The following SYTL2 variants were observed in gnomAD, a reference collection of about 807,000 sequenced individuals.
The protein encoded by SYTL2 is synaptotagmin like 2.
A neutral mutation model predicts 198.7 loss-of-function variants in SYTL2; 165 were observed. That is an observed-to-expected ratio of 0.83 (90% confidence interval 0.73 to 0.94). SYTL2 has a LOEUF of 0.94. SYTL2 is among the 40% of genes least tolerant of loss of function. The pLI is 0.00. For missense variants in SYTL2, 2,835 were observed against 2,582.8 expected (o/e 1.10, Z -2.12); for synonymous variants, 966 against 917.7 (o/e 1.05, Z -0.95).
intron 1 of SYTL2, among the ~76,000 whole-genome samples, chr11:85,786,454 T>C (rs1282530372): frequency 1.3e-5 from 2 of 152,234 alleles, no homozygotes; most frequent in Admixed American, 1.3e-4. Context: ...TGTGATATAC[T>C]ATAGTTGTAC....
At position 85,736,469 on chromosome 11, in the gene SYTL2, A is replaced by G. The variant is rs1490621508; in HGVS notation, c.586+32T>C. 5 of 1,185,950 alleles carry G rather than the reference A, an allele frequency of 4.2e-6. No individual in the cohort carries two copies. The Admixed American group carries it at 6.3e-5, about 15-fold the overall frequency. The allele number at this position is 1,185,950 out of a possible 1,614,324, so 73.5% of individuals were successfully genotyped here. A position where few individuals can be genotyped will look rare whatever the true frequency, so the allele number is the denominator to read the frequency against. On this transcript the variant is annotated intron_variant, in intron 6 of 19. Transcript: ENST00000359152. ...CCCTTAGTCCACAGATAACAAAGAT[A>G]AAAAAATCAAGTTCATAAAAATAAT...
At chr11:85,707,348 T>C (rs1591604155) in intron 15 of SYTL2, 81 bp downstream of exon 15, 1 of 916,642 alleles carries the variant, frequency 1.1e-6, no homozygotes, top group Non-Finnish European at 1.8e-6. Flanking sequence ...ACTGACTTTA[T>C]CCTGTAGAGC....
chr11:85,726,133 T>C lies in SYTL2; in HGVS notation c.3225A>G (p.Arg1075=). ...DEITFPLSPL[R]KYTYQLPGNE... ...TTCCTGGCAACTGATAAGTATACTTTCTAAGTGGACTCAAAGGAAATGTGA... is the reference window on the plus strand; with the variant it reads ...TTCCTGGCAACTGATAAGTATACTTCCTAAGTGGACTCAAAGGAAATGTGA... The change falls in exon 8 of 20, where the codon AGA becomes AGG. Residue 1075 remains arginine, a synonymous_variant. Transcript: ENST00000359152. 1 of 1,614,142 alleles carries C rather than the reference T, an allele frequency of 6.2e-7. No homozygotes were observed. The highest frequency in any genetic ancestry group is 1.1e-5 in the South Asian group (1 of 91,068).
At position 85,798,017 on chromosome 11, in the gene SYTL2, T is replaced by C. The variant is rs551995076; in HGVS notation, c.-390+12937A>G. 4.7e-5 allele frequency among the ~76,000 whole-genome samples: 5 copies of C among 106,332 alleles called. No individual in the cohort carries two copies. The South Asian group carries it at 1.6e-3, about 34-fold the overall frequency. The allele number at this position is 106,332 out of a possible 152,430, so 69.8% of individuals were successfully genotyped here. A position where few individuals can be genotyped will look rare whatever the true frequency, so the allele number is the denominator to read the frequency against. ...TACAGGTGCACACCACTATGCCAGC[T>C]ATTTTTTTTTTTTTCATTTTCAATA... On this transcript the variant is annotated intron_variant, in intron 1 of 19. Transcript: ENST00000359152.
chr11:85,729,130 C>A (rs976578980), intron 7 of SYTL2, among the ~76,000 whole-genome samples: 1 of 152,184 alleles, frequency 6.6e-6, no homozygotes. Flanking sequence ...GACTCCCACA[C>A]AGTAATAGTG....
At chr11:85,775,671 G>A (rs916942642) in intron 1 of SYTL2, among the ~76,000 whole-genome samples, 3 of 152,002 alleles carry the variant, frequency 2.0e-5, no homozygotes, top group African/African-American at 2.4e-5. Flanking sequence ...TTACTAAGAC[G>A]GGTTTCACCA....
upstream of SYTL2, among the ~76,000 whole-genome samples, chr11:85,812,796 C>A (rs111769441): frequency 5.1e-4 from 77 of 150,582 alleles, 2 homozygotes; most frequent in African/African-American, 1.8e-3. Context: ...GGAGGAGTGG[C>A]TGTACCTGCC....
At chr11:85,814,148 A>G (rs2093058791), upstream of SYTL2, among the ~76,000 whole-genome samples, 2 of 152,204 alleles carry the variant, frequency 1.3e-5, no homozygotes, top group African/African-American at 4.8e-5. Context: ...CTGTTAGCTA[A>G]TGGTGTGATA....
chr11:85,762,950 G>GA (rs34176413), intron 1 of SYTL2, among the ~76,000 whole-genome samples: 12,539 of 146,742 alleles, frequency 0.085, 730 homozygotes, highest in African/African-American at 0.16. Context: ...AAGTGTTCAT[G>GA]AAAAAAAAAA....
chr11:85,828,263 T>G, the SYTL2 span, among the ~76,000 whole-genome samples: 1 of 152,230 alleles, frequency 6.6e-6, no homozygotes, highest in Non-Finnish European at 1.5e-5. Flanking sequence ...TACTAAATTT[T>G]TTCTGCATAT....
chr11:85,725,542 C>G lies in SYTL2; in HGVS notation c.3816G>C (p.Val1272=). 1 of 1,614,056 alleles carries G rather than the reference C, an allele frequency of 6.2e-7. No individual in the cohort carries two copies. The highest frequency in any genetic ancestry group is 8.5e-7 in the Non-Finnish European group (1 of 1,179,970). The part of the protein sequence containing the change: ...DKREILAPFP[V]RDETFGNTAL... ...CTGTATTTCCAAAAGTTTCATCTCTCACTGGAAAAGGAGCTAGTATTTCTC... is the reference window on the plus strand; with the variant it reads ...CTGTATTTCCAAAAGTTTCATCTCTGACTGGAAAAGGAGCTAGTATTTCTC... Residue 1272 remains valine, a synonymous_variant, in exon 8 of 20, where the codon GTG becomes GTC. Coordinates refer to ENST00000359152, the MANE Select transcript of SYTL2 (RefSeq NM_206927.4).
chr11:85,825,256 C>T, the SYTL2 span, among the ~76,000 whole-genome samples: 9 of 151,186 alleles, frequency 6.0e-5, no homozygotes, highest in South Asian at 2.1e-4. Context: ...GGCGTAGTGG[C>T]GGGCGCCTGT....
chr11:85,779,562 C>T (rs1475797661), intron 1 of SYTL2, among the ~76,000 whole-genome samples: 1 of 151,500 alleles, frequency 6.6e-6, no homozygotes, highest in African/African-American at 2.4e-5. Flanking sequence ...TTACTATCTA[C>T]AAACTGACAT....
In SYTL2 at chr11:85,748,277, A is replaced by C. The variant is rs374322487; in HGVS notation, c.248T>G (p.Ile83Arg). ...RASMRKKRPQ[I>R]AAEQSKDREN... The stretch of plus-strand genomic sequence containing the variant: ...CACTAGCCAAGTCAACTCACCTGCT[A>C]TCTGGGGCCTCTTCTTTCTCATAGA... Residue 83 changes from isoleucine to arginine, a missense_variant, in exon 3 of 20, where the codon ATA becomes AGA. Physicochemically the swap from Ile to Arg is moderately conservative, Grantham distance 97 (BLOSUM62 -3). Transcript: ENST00000359152. 2.4e-5 allele frequency: 39 copies of C among 1,612,974 alleles called. No homozygotes were observed. Among genetic ancestry groups the C allele is most frequent in the Non-Finnish European group, 3.1e-5 (37 of 1,179,310 alleles).
intron 1 of SYTL2, among the ~76,000 whole-genome samples, chr11:85,764,802 A>C (rs521764): frequency 0.75 from 113,692 of 152,138 alleles, 42,908 homozygotes; most frequent in African/African-American, 0.84. Context: ...ATCTGTGTCA[A>C]CATGCACCTA....
At chr11:85,706,797 T>C (rs1383638195) in intron 15 of SYTL2, among the ~76,000 whole-genome samples, 1 of 152,192 alleles carries the variant, frequency 6.6e-6, no homozygotes, top group Non-Finnish European at 1.5e-5. Context: ...CTGGTTGCAA[T>C]GCTCAACTTT....
the SYTL2 span, among the ~76,000 whole-genome samples, chr11:85,847,997 C>T: frequency 8.9e-3 from 1,361 of 152,128 alleles, 21 homozygotes; most frequent in African/African-American, 0.032. Context: ...GAGGCTAAGG[C>T]GGGAGAATCG....
At chr11:85,829,221 C>T in the SYTL2 span, among the ~76,000 whole-genome samples, 2 of 152,230 alleles carry the variant, frequency 1.3e-5, no homozygotes, top group South Asian at 4.1e-4. Flanking sequence ...TTTTTAAGCC[C>T]ATGCCCTGCT....
chr11:85,758,829 A>G (rs1315598866), intron 1 of SYTL2, among the ~76,000 whole-genome samples: 1 of 152,218 alleles, frequency 6.6e-6, no homozygotes, highest in African/African-American at 2.4e-5. Context: ...TACATATGTA[A>G]TGGGAAGGAA....
Sources: gnomAD v4.1 joint callset for allele counts (sites outside exome capture counted in the v4.1 genomes callset) on GRCh38, gnomAD v4.1.1 for gene constraint, MANE v1.5 for transcripts, NCBI Gene and HGNC (gene_info 2026-07-23, HGNC 2026-07-21) for gene names.